The following DPH6 variants were observed in gnomAD, a reference collection of about 807,000 sequenced individuals.
The protein encoded by DPH6 is diphthamine biosynthesis 6.
In DPH6, 33 loss-of-function variants were observed where a neutral mutation model predicts 38.2. The observed-to-expected ratio is 0.86, with a 90% confidence interval of 0.65 to 1.15. The LOEUF is 1.15. Ranked by LOEUF, DPH6 falls within the 50% of genes most tolerant of loss-of-function variation. DPH6 has a pLI of 0.00. For missense variants in DPH6, 325 were observed against 320.0 expected (o/e 1.02, Z -0.12); for synonymous variants, 108 against 103.0 (o/e 1.05, Z -0.30).
chr15:35,448,388 T>C (rs1407572598), intron 5 of DPH6, among the ~76,000 whole-genome samples: 1 of 152,170 alleles, frequency 6.6e-6, no homozygotes, highest in African/African-American at 2.4e-5. Context: ...CAAGATTCAC[T>C]GTGGAAGAAA....
intron 3 of DPH6, among the ~76,000 whole-genome samples, chr15:35,275,090 T>C (rs974739904): frequency 6.6e-5 from 10 of 152,048 alleles, no homozygotes; most frequent in Admixed American, 2.6e-4. Flanking sequence ...AATTTTTTTG[T>C]ATTTTTAGTA....
chr15:35,320,673 C>G (rs1287269618), intron 3 of DPH6, among the ~76,000 whole-genome samples: 3 of 152,096 alleles, frequency 2.0e-5, no homozygotes, highest in African/African-American at 4.8e-5. Flanking sequence ...GAATCTTTTC[C>G]TTCTTCGTGG....
chr15:35,195,026 T>C, the DPH6 span, among the ~76,000 whole-genome samples: 1 of 152,210 alleles, frequency 6.6e-6, no homozygotes, highest in Admixed American at 6.5e-5. Context: ...TCTATCTAAG[T>C]GTTTATTTGT....
At chr15:35,278,216 C>T (rs1425874760) in intron 3 of DPH6, among the ~76,000 whole-genome samples, 1 of 152,214 alleles carries the variant, frequency 6.6e-6, no homozygotes, top group African/African-American at 2.4e-5. Flanking sequence ...CCCTGCTCAG[C>T]CTTGGGAGGC....
At chr15:35,332,263 G>A (rs1595483010) in intron 3 of DPH6, among the ~76,000 whole-genome samples, 1 of 152,120 alleles carries the variant, frequency 6.6e-6, no homozygotes, top group African/African-American at 2.4e-5. Flanking sequence ...GTGTAAGTGG[G>A]TTTTCAGAAG....
chr15:35,156,282 C>G, the DPH6 span, among the ~76,000 whole-genome samples: 13 of 152,034 alleles, frequency 8.6e-5, no homozygotes, highest in Non-Finnish European at 2.9e-5. Context: ...ATTTTGGAAG[C>G]TATTTTTAAG....
chr15:35,395,936 A>C (rs2053125943), intron 6 of DPH6, among the ~76,000 whole-genome samples: 1 of 152,208 alleles, frequency 6.6e-6, no homozygotes, highest in South Asian at 2.1e-4. Context: ...CAATTCTATC[A>C]GTACCACATG....
intron 5 of DPH6, among the ~76,000 whole-genome samples, chr15:35,440,949 C>A (rs985442137): frequency 1.3e-5 from 2 of 152,066 alleles, no homozygotes; most frequent in African/African-American, 4.8e-5. Flanking sequence ...GGAACTTAAA[C>A]AAATTTACAA....
chr15:35,460,626 C>T (rs533028147), intron 3 of DPH6, among the ~76,000 whole-genome samples: 1 of 152,336 alleles, frequency 6.6e-6, no homozygotes, highest in African/African-American at 2.4e-5. Context: ...TTAGTTACTG[C>T]TCTCAACAAC....
downstream of DPH6, among the ~76,000 whole-genome samples, chr15:35,368,961 CA>C (rs1222653608): frequency 1.3e-5 from 2 of 151,226 alleles, no homozygotes; most frequent in Non-Finnish European, 3.0e-5. Context: ...TACATAATTC[CA>C]GAAAAAGAAA....
At chr15:35,235,669 T>C (rs2051546530) in intron 3 of DPH6, among the ~76,000 whole-genome samples, 1 of 152,334 alleles carries the variant, frequency 6.6e-6, no homozygotes, top group African/African-American at 2.4e-5. Context: ...TACACTGTTT[T>C]AAAATTTCAA....
the DPH6 span, among the ~76,000 whole-genome samples, chr15:35,201,046 C>T: frequency 7.1e-6 from 1 of 141,752 alleles, no homozygotes; most frequent in Non-Finnish European, 1.5e-5. Context: ...GTTGATTTTC[C>T]ATGTGCATAT....
At chr15:35,329,140 A>G (rs1364051223), downstream of DPH6, among the ~76,000 whole-genome samples, 1 of 152,240 alleles carries the variant, frequency 6.6e-6, no homozygotes, top group Non-Finnish European at 1.5e-5. Flanking sequence ...AGTAAAAGAT[A>G]TTAGAAGATA....
At chr15:35,156,273 T>C in the DPH6 span, among the ~76,000 whole-genome samples, 1 of 152,180 alleles carries the variant, frequency 6.6e-6, no homozygotes, top group Non-Finnish European at 1.5e-5. Context: ...TTGAATAAGA[T>C]TTTGGAAGCT....
intron 3 of DPH6, among the ~76,000 whole-genome samples, chr15:35,296,366 CTACT>C (rs1454855415): frequency 6.6e-6 from 1 of 152,138 alleles, no homozygotes; most frequent in Non-Finnish European, 1.5e-5. Flanking sequence ...ATTTTAAAGC[CTACT>C]TATTCTAGCT....
intron 5 of DPH6, among the ~76,000 whole-genome samples, chr15:35,414,623 A>G (rs2053413360): frequency 6.6e-6 from 1 of 151,426 alleles, no homozygotes; most frequent in Admixed American, 6.6e-5. Flanking sequence ...AAATATTTCA[A>G]TTTCCCAATC....
intron 5 of DPH6, among the ~76,000 whole-genome samples, chr15:35,416,850 G>T (rs543672606): frequency 1.3e-4 from 20 of 152,026 alleles, no homozygotes; most frequent in Non-Finnish European, 2.8e-4. Flanking sequence ...AGCAATTCCA[G>T]CTACCGTCCT....
intron 3 of DPH6, among the ~76,000 whole-genome samples, chr15:35,349,955 G>T (rs1297704917): frequency 1.3e-5 from 2 of 152,092 alleles, no homozygotes; most frequent in South Asian, 2.1e-4. Context: ...TGGTATCAGG[G>T]TAATGCTGGA....
At chr15:35,490,899 T>C (rs1367204253) in intron 3 of DPH6, among the ~76,000 whole-genome samples, 1 of 152,084 alleles carries the variant, frequency 6.6e-6, no homozygotes, top group Non-Finnish European at 1.5e-5. Context: ...TCCAAGAGCA[T>C]GGTGTTGGAA....
Sources: gnomAD v4.1 joint callset for allele counts (sites outside exome capture counted in the v4.1 genomes callset) on GRCh38, gnomAD v4.1.1 for gene constraint, MANE v1.5 for transcripts, NCBI Gene and HGNC (gene_info 2026-07-23, HGNC 2026-07-21) for gene names.